LNX1: variants seen among roughly 807,000 people sequenced by gnomAD.
The protein encoded by LNX1 is E3 ubiquitin-protein ligase LNX.
In LNX1, 54 loss-of-function variants were observed where a neutral mutation model predicts 68.4. That is an observed-to-expected ratio of 0.79 (90% CI 0.63 to 0.99). The LOEUF (loss-of-function observed/expected upper bound fraction) is 0.99, where lower values mean the gene tolerates loss of function less well. Among genes scored for constraint, LNX1 ranks in the 50% least tolerant of loss-of-function variants. The pLI, the probability that LNX1 is intolerant of heterozygous loss-of-function variation, is 0.00. For missense variants in LNX1, 906 were observed against 926.4 expected, an observed-to-expected ratio of 0.98 and a Z score of 0.29; for synonymous variants, 336 against 350.0, an observed-to-expected ratio of 0.96 and a Z score of 0.45.
chr4:53,558,926 C>T (rs1302954499), intron 2 of LNX1, among the ~76,000 whole-genome samples: 2 of 152,216 alleles, frequency 1.3e-5, no homozygotes, highest in Non-Finnish European at 2.9e-5. Context: ...GACTGCATCA[C>T]CGGCCTCAAC....
intron 9 of LNX1, among the ~76,000 whole-genome samples, chr4:53,467,387 G>A (rs1455016297): frequency 6.6e-6 from 1 of 152,100 alleles, no homozygotes; most frequent in East Asian, 1.9e-4. Context: ...CACAAAGATG[G>A]AGAAAAAACA....
At chr4:53,565,316 C>G (rs555983552) in intron 2 of LNX1, among the ~76,000 whole-genome samples, 1,836 of 151,000 alleles carry the variant, frequency 0.012, 32 homozygotes, top group African/African-American at 0.043. Context: ...TGGGCAGACT[C>G]CCTCCTCAAG....
intron 9 of LNX1, among the ~76,000 whole-genome samples, chr4:53,467,911 C>G (rs918752963): frequency 1.3e-5 from 2 of 152,220 alleles, no homozygotes; most frequent in African/African-American, 4.8e-5. Context: ...AGTTGGAAAA[C>G]ACTCTGCAAG....
At chr4:53,552,406 A>G (rs1560661425) in intron 2 of LNX1, among the ~76,000 whole-genome samples, 1 of 152,300 alleles carries the variant, frequency 6.6e-6, no homozygotes, top group East Asian at 1.9e-4. Flanking sequence ...TTAAAGTGGG[A>G]AGGAGATGAA....
rs1182719640 is a variant in LNX1 at position 53,496,609 on chromosome 4, C to T, written c.979-215G>A. The T allele has an allele frequency of 5.8e-6, 3 of 515,604 alleles. No individual in the cohort carries two copies. The East Asian group carries it at 8.9e-5, about 15-fold the overall frequency. 31.9% of individuals were successfully genotyped at this position (515,604 alleles called of 1,614,324 possible). ...ACCTCTCCAGGCCTCTGTGAGTAGACACCATCTTTCTCCACCTTGTTCTTA... is the reference window on the plus strand; with the variant it reads ...ACCTCTCCAGGCCTCTGTGAGTAGATACCATCTTTCTCCACCTTGTTCTTA... On this transcript the variant is annotated intron_variant, in intron 5 of 10. Coordinates refer to ENST00000263925, the MANE Select transcript of LNX1 (RefSeq NM_001126328.3).
intron 1 of LNX1, among the ~76,000 whole-genome samples, chr4:53,626,669 A>G (rs1338429540): frequency 1.3e-5 from 2 of 152,112 alleles, no homozygotes; most frequent in Non-Finnish European, 2.9e-5. Flanking sequence ...TTCAAAAGTT[A>G]TTTCTTTACG....
chr4:53,651,329 G>T lies in LNX1; in HGVS notation c.-215+839C>A, dbSNP rs118020895. Among the ~76,000 whole-genome samples, 150 of 152,324 alleles carry T rather than the reference G, an allele frequency of 9.8e-4. 2 individuals carry two copies. In the East Asian group the frequency reaches 0.026, roughly 27 times the overall value. On this transcript the variant is annotated intron_variant, in intron 1 of 2. Transcript: ENST00000507168. ...TCTGCACTGCGTCAGCATTCCTTGG[G>T]CACCGGACTTGCACCACGCCCTGAC...
Position 53,460,046 on chromosome 4 carries a change from C to G in LNX1, c.*861G>C, listed in dbSNP as rs1434072225. ...AACCTATAAGGCATCTGGGTGGCCT[C>G]TATGAAATAAATTAATTAATTACCC... On this transcript the variant is annotated 3_prime_UTR_variant, in exon 11 of 11. Transcript: ENST00000263925. 1.7e-5 allele frequency: 2 copies of G among 114,838 alleles called. No individual in the cohort carries two copies. The highest frequency in any genetic ancestry group is 9.2e-5 in the African/African-American group (2 of 21,782). The allele number at this position is 114,838 out of a possible 1,614,324, so 7.1% of individuals were successfully genotyped here.
At chr4:53,481,956 T>C (rs2109419933) in intron 6 of LNX1, 102 bp from the exon 7 acceptor site, 2 of 1,345,334 alleles carry the variant, frequency 1.5e-6, no homozygotes, top group Middle Eastern at 1.9e-4. Context: ...CATTTTTTTA[T>C]GGCAAAACAT....
Position 53,605,897 on chromosome 4 carries a change from A to T in LNX1, c.-215+10620T>A, listed in dbSNP as rs1057336868. ...GCAATCAACAACATGGGAATGCAGC[A>T]ATCACCAGATATCAGCTGGTGATTC... On this transcript the variant is annotated intron_variant, in intron 2 of 3. Transcript: ENST00000504299. 8.5e-5 allele frequency among the ~76,000 whole-genome samples: 13 copies of T among 152,348 alleles called. No homozygotes were observed. In the Middle Eastern group the frequency reaches 0.01, roughly 120 times the overall value.
At chr4:53,462,728 A>G (rs1395191375) in intron 9 of LNX1, among the ~76,000 whole-genome samples, 2 of 152,178 alleles carry the variant, frequency 1.3e-5, no homozygotes, top group Non-Finnish European at 2.9e-5. Flanking sequence ...AACTCTAACC[A>G]GTTCTGAATC....
chr4:53,502,313 T>G lies in LNX1; in HGVS notation c.776-3470A>C, dbSNP rs551141335. Reference sequence around the variant, plus strand: ...GTACAGGCATACCTCTGAGATATTGTGGGTTTGGTTCCAGACTGCTATAAG... The same window carrying G: ...GTACAGGCATACCTCTGAGATATTGGGGGTTTGGTTCCAGACTGCTATAAG... On this transcript the variant is annotated intron_variant, in intron 4 of 10. Coordinates refer to ENST00000263925, the MANE Select transcript of LNX1 (RefSeq NM_001126328.3). 1.6e-3 allele frequency among the ~76,000 whole-genome samples: 246 copies of G among 151,990 alleles called. 1 individual carries two copies. Among genetic ancestry groups the G allele is most frequent in the Admixed American group, 5.3e-3 (81 of 15,276 alleles).
At chr4:53,544,505 G>A (rs1036946438) in intron 2 of LNX1, among the ~76,000 whole-genome samples, 4 of 152,116 alleles carry the variant, frequency 2.6e-5, no homozygotes, top group East Asian at 1.9e-4. Context: ...GAGAGGTGCT[G>A]ATTTCTTTTG....
chr4:53,512,378 TAA>T (rs10719074), intron 2 of LNX1, among the ~76,000 whole-genome samples: 2 of 151,930 alleles, frequency 1.3e-5, no homozygotes, highest in East Asian at 3.9e-4. Context: ...CTCTGGTAAT[TAA>T]AAAAAACTGC....
At chr4:53,558,180 G>A (rs1298452105) in intron 2 of LNX1, 8 of 1,348,450 alleles carry the variant, frequency 5.9e-6, no homozygotes, top group African/African-American at 4.5e-5. Context: ...ATGTAGGAAC[G>A]CAAGGAGCCA....
intron 1 of LNX1, among the ~76,000 whole-genome samples, chr4:53,632,577 C>A (rs962547481): frequency 1.3e-5 from 2 of 152,206 alleles, no homozygotes; most frequent in Non-Finnish European, 2.9e-5. Context: ...TCGGATCAGG[C>A]TAAAGCTAGG....
At position 53,459,689 on chromosome 4, in the gene LNX1, A is replaced by G. The variant is rs1408375766; in HGVS notation, c.*1218T>C. On this transcript the variant is annotated 3_prime_UTR_variant, in exon 11 of 11. Transcript: ENST00000263925. ...CTTTATATCCAAGAAAGGAATGTGAATGAGTCACTTAACAGGGAATCTAAA... is the reference window on the plus strand; with the variant it reads ...CTTTATATCCAAGAAAGGAATGTGAGTGAGTCACTTAACAGGGAATCTAAA... 2 of 528,140 alleles carry G rather than the reference A, an allele frequency of 3.8e-6. No homozygotes were observed. The highest frequency in any genetic ancestry group is 6.8e-6 in the Non-Finnish European group (2 of 296,104). 32.7% of individuals were successfully genotyped at this position (528,140 alleles called of 1,614,324 possible).
At chr4:53,550,945 C>A (rs577403614) in intron 2 of LNX1, among the ~76,000 whole-genome samples, 1 of 152,174 alleles carries the variant, frequency 6.6e-6, no homozygotes, top group African/African-American at 2.4e-5. Context: ...AAGCCTGGAA[C>A]GCCCAGCTGG....
At chr4:53,484,674 ACTT>A (rs1193204710) in intron 6 of LNX1, among the ~76,000 whole-genome samples, 1 of 152,036 alleles carries the variant, frequency 6.6e-6, no homozygotes, top group African/African-American at 2.4e-5. Context: ...CTCTTATAAC[ACTT>A]CTTCTCAGGG....
Sources: allele counts gnomAD v4.1 joint callset (sites outside exome capture counted in the v4.1 genomes callset), GRCh38; gene constraint gnomAD v4.1.1; transcripts MANE v1.5; gene names NCBI Gene and HGNC (gene_info 2026-07-23, HGNC 2026-07-21).